The following AUTS2 variants were observed in gnomAD, a reference collection of about 807,000 sequenced individuals.
The protein encoded by AUTS2 is autism susceptibility gene 2 protein.
Under a neutral mutation model 112.4 loss-of-function variants are expected in AUTS2, and 17 were observed. That is an observed-to-expected ratio of 0.15 (90% CI 0.10 to 0.23). The LOEUF (loss-of-function observed/expected upper bound fraction) is 0.23, where lower values mean the gene tolerates loss of function less well. Ranked by LOEUF, AUTS2 falls within the 10% of genes least tolerant of loss-of-function variation. The pLI is 1.00. For synonymous variants in AUTS2, 751 were observed against 702.7 expected, an observed-to-expected ratio of 1.07 and a Z score of -1.09; for missense variants, 1,510 against 1,701.6, an observed-to-expected ratio of 0.89 and a Z score of 1.98.
intron 2 of AUTS2, among the ~76,000 whole-genome samples, chr7:70,042,745 A>G (rs1004127913): frequency 2.0e-5 from 3 of 152,184 alleles, no homozygotes; most frequent in Non-Finnish European, 4.4e-5. Flanking sequence ...TGAAGTCTTT[A>G]TGAATGCTTG....
chr7:70,140,208 A>T (rs1448210000), intron 4 of AUTS2, among the ~76,000 whole-genome samples: 1 of 152,162 alleles, frequency 6.6e-6, no homozygotes, highest in Non-Finnish European at 1.5e-5. Flanking sequence ...GATGCCTCAT[A>T]GATCATGTTG....
intron 1 of AUTS2, among the ~76,000 whole-genome samples, chr7:69,874,664 T>C (rs1373790893): frequency 2.6e-5 from 4 of 152,040 alleles, no homozygotes; most frequent in Non-Finnish European, 5.9e-5. Flanking sequence ...CTATTTTTTT[T>C]TTCCAAGTTG....
chr7:69,633,146 A>G (rs1583977617), intron 1 of AUTS2, among the ~76,000 whole-genome samples: 1 of 152,298 alleles, frequency 6.6e-6, no homozygotes, highest in East Asian at 1.9e-4. Context: ...GAATATTTGA[A>G]AAAAATTTTT....
At chr7:69,600,061 T>G in intron 1 of AUTS2, 99 bp downstream of exon 1, 2 of 1,122,364 alleles carry the variant, frequency 1.8e-6, no homozygotes, top group Non-Finnish European at 2.6e-6. Context: ...GGGCTGTCTG[T>G]CTGTCTGTCT....
intron 5 of AUTS2, among the ~76,000 whole-genome samples, chr7:70,584,656 A>G (rs1053256986): frequency 6.6e-6 from 1 of 152,272 alleles, no homozygotes; most frequent in African/African-American, 2.4e-5. Context: ...GTACAGAGAC[A>G]GGCCGAGAAC....
intron 5 of AUTS2, among the ~76,000 whole-genome samples, chr7:70,690,150 C>CT (rs1482158869): frequency 6.6e-6 from 1 of 152,214 alleles, no homozygotes; most frequent in Non-Finnish European, 1.5e-5. Flanking sequence ...TTTACCCAAG[C>CT]TGTCCTGGCT....
intron 1 of AUTS2, among the ~76,000 whole-genome samples, chr7:69,841,739 G>A (rs543399236): frequency 3.9e-5 from 6 of 152,264 alleles, no homozygotes; most frequent in Admixed American, 2.0e-4. Context: ...AATCTTGATG[G>A]GATCTGGCTT....
At chr7:69,714,600 T>G (rs545786045) in intron 1 of AUTS2, among the ~76,000 whole-genome samples, 77 of 152,256 alleles carry the variant, frequency 5.1e-4, no homozygotes, top group African/African-American at 1.8e-3. Flanking sequence ...ACAGTTTTGA[T>G]TACTGAAGCT....
rs546996926 is a variant in AUTS2 at position 70,002,116 on chromosome 7, A to G, written c.522+102618A>G. ...CCAATAGTATTTCCTAACAAGTGAT[A>G]TAAGTAAACACTGAGAAAAGAGTAT... On this transcript the variant is annotated intron_variant, in intron 2 of 18. Coordinates refer to ENST00000342771, the MANE Select transcript of AUTS2 (RefSeq NM_015570.4). Among the ~76,000 whole-genome samples, 10 of 152,270 alleles carry G rather than the reference A, an allele frequency of 6.6e-5. No individual in the cohort carries two copies. The South Asian group carries it at 1.0e-3, about 16-fold the overall frequency.
chr7:70,400,364 T>C (rs1009838348), intron 4 of AUTS2, among the ~76,000 whole-genome samples: 3 of 152,200 alleles, frequency 2.0e-5, no homozygotes, highest in African/African-American at 4.8e-5. Flanking sequence ...TTACACTATC[T>C]AGAGTGGTGT....
rs58040822 is a variant in AUTS2, at chr7:70,145,129, T to C, written c.660+10558T>C. On this transcript the variant is annotated intron_variant, in intron 4 of 18. Transcript: ENST00000342771. ...TTCTTGTAATGCCCCACGATTTGATTTACGCTGGCTGAGTATTACAAGTCC... is the reference window on the plus strand; with the variant it reads ...TTCTTGTAATGCCCCACGATTTGATCTACGCTGGCTGAGTATTACAAGTCC... Among the ~76,000 whole-genome samples the C allele has an allele frequency of 8.3e-3, 1,269 of 152,226 alleles. 20 individuals are homozygous for C. The highest frequency in any genetic ancestry group is 0.029 in the African/African-American group (1,195 of 41,554).
chr7:70,215,985 A>C (rs1811145632), intron 4 of AUTS2, among the ~76,000 whole-genome samples: 1 of 152,234 alleles, frequency 6.6e-6, no homozygotes, highest in Non-Finnish European at 1.5e-5. Flanking sequence ...AGGTTGGCCC[A>C]TTGAGAATCT....
At chr7:70,526,069 C>T (rs1333059621) in intron 5 of AUTS2, among the ~76,000 whole-genome samples, 2 of 152,196 alleles carry the variant, frequency 1.3e-5, no homozygotes, top group African/African-American at 4.8e-5. Context: ...AAATAACCCA[C>T]ACAATTCTCG....
In AUTS2 at chr7:70,498,582, G is replaced by A. The variant is rs80162397; in HGVS notation, c.690+62801G>A. Among the ~76,000 whole-genome samples the A allele has an allele frequency of 9.9e-3, 1,501 of 152,270 alleles. 27 individuals carry two copies. The highest frequency in any genetic ancestry group is 0.035 in the African/African-American group (1,436 of 41,532). On this transcript the variant is annotated intron_variant, in intron 5 of 18. Transcript: ENST00000342771. ...GGTGTAGGAAGGGACTAGGTGGGGG[G>A]TTGGTGGGCAGAAGGGTTCTTATAT...
chr7:69,750,391 A>G (rs1388753536), intron 1 of AUTS2, among the ~76,000 whole-genome samples: 3 of 148,568 alleles, frequency 2.0e-5, no homozygotes, highest in Non-Finnish European at 3.0e-5. Context: ...GTATTATACT[A>G]TTATATTAGT....
intron 4 of AUTS2, among the ~76,000 whole-genome samples, chr7:70,182,024 G>A (rs1026360077): frequency 2.0e-5 from 3 of 148,124 alleles, no homozygotes; most frequent in African/African-American, 7.5e-5. Flanking sequence ...GGTCTCGATC[G>A]ATCTCCTGAC....
At chr7:70,640,218 A>G (rs558867178) in intron 5 of AUTS2, among the ~76,000 whole-genome samples, 1 of 152,046 alleles carries the variant, frequency 6.6e-6, no homozygotes, top group South Asian at 2.1e-4. Flanking sequence ...TCTCTTTCGA[A>G]AATATACTTT....
intron 1 of AUTS2, among the ~76,000 whole-genome samples, chr7:69,600,675 G>T (rs966874271): frequency 4.0e-5 from 6 of 151,472 alleles, no homozygotes; most frequent in South Asian, 4.2e-4. Context: ...TTACAGAAAG[G>T]GTTAATTATA....
chr7:69,671,464 T>C (rs1183027253), intron 1 of AUTS2, among the ~76,000 whole-genome samples: 1 of 102,018 alleles, frequency 9.8e-6, no homozygotes, highest in Non-Finnish European at 2.3e-5. Context: ...CAGCACAAAA[T>C]GTTTTGGCTG....
Sources: allele counts gnomAD v4.1 joint callset (sites outside exome capture counted in the v4.1 genomes callset), GRCh38; gene constraint gnomAD v4.1.1; transcripts MANE v1.5; gene names NCBI Gene and HGNC (gene_info 2026-07-23, HGNC 2026-07-21).